The following ITGB5 variants were observed in gnomAD, a reference collection of about 807,000 sequenced individuals.
The protein encoded by ITGB5 is integrin subunit beta 5.
A neutral mutation model predicts 84.8 loss-of-function variants in ITGB5; 38 were observed. The ratio of observed to expected loss-of-function variants is 0.45; its 90% CI spans 0.35 to 0.59. The LOEUF is 0.59. Among genes scored for constraint, ITGB5 ranks in the 20% least tolerant of loss-of-function variants. The pLI is 0.01. For synonymous variants in ITGB5, 393 were observed against 414.4 expected, an observed-to-expected ratio of 0.95 and a Z score of 0.63; for missense variants, 905 against 1,034.5, an observed-to-expected ratio of 0.87 and a Z score of 1.72.
intron 10 of ITGB5, 113 bp downstream of exon 10, chr3:124,796,275 A>G: frequency 2.1e-6 from 2 of 966,370 alleles, no homozygotes. Flanking sequence ...CTCCAAGGAG[A>G]GCCATGGTAG....
chr3:124,874,385 C>T (rs921433407), intron 1 of ITGB5, among the ~76,000 whole-genome samples: 16 of 151,290 alleles, frequency 1.1e-4, no homozygotes, highest in African/African-American at 2.9e-4. Context: ...CCTGTGCTCA[C>T]GGTTTGGAAG....
chr3:124,873,404 C>T (rs1008696241), intron 2 of ITGB5, 42 bp downstream of exon 2: 8 of 1,363,880 alleles, frequency 5.9e-6, no homozygotes, highest in African/African-American at 5.7e-5. Flanking sequence ...CTCACCCTCG[C>T]AGCATTCCTT....
chr3:124,809,501 C>T (rs2064464126), intron 8 of ITGB5: 1 of 228,920 alleles, frequency 4.4e-6, no homozygotes, highest in South Asian at 8.0e-5. Flanking sequence ...TTCAGACACG[C>T]AGTTCCTCAA....
intron 2 of ITGB5, among the ~76,000 whole-genome samples, chr3:124,864,096 C>CTT (rs558311822): frequency 2.9e-4 from 13 of 45,530 alleles, no homozygotes; most frequent in Admixed American, 7.2e-4. Context: ...ACCTATATTT[C>CTT]TTTTTTTTTT....
chr3:124,811,582 A>C (rs1394918096), intron 8 of ITGB5, among the ~76,000 whole-genome samples: 4 of 152,178 alleles, frequency 2.6e-5, no homozygotes, highest in Admixed American at 2.6e-4. Context: ...CGAAAGCCCC[A>C]AGGGAGGATC....
intron 1 of ITGB5, among the ~76,000 whole-genome samples, chr3:124,875,367 C>T (rs1934259198): frequency 6.6e-6 from 1 of 150,570 alleles, no homozygotes; most frequent in South Asian, 2.1e-4. Flanking sequence ...ATCCCAGCTA[C>T]TTGAGAGGCT....
chr3:124,764,959 TG>T (rs2063746243), intron 13 of ITGB5, among the ~76,000 whole-genome samples: 2 of 152,208 alleles, frequency 1.3e-5, no homozygotes, highest in African/African-American at 2.4e-5. Context: ...AGGTCTGGGC[TG>T]GGGGCCAACA....
intron 10 of ITGB5, among the ~76,000 whole-genome samples, chr3:124,794,411 A>C (rs2064191103): frequency 6.6e-6 from 1 of 152,194 alleles, no homozygotes; most frequent in African/African-American, 2.4e-5. Context: ...CTAAAAAATA[A>C]AATAAATTAA....
intron 14 of ITGB5, 95 bp from the exon 15 acceptor site, chr3:124,763,813 C>A (rs1224186944): frequency 3.3e-5 from 23 of 701,856 alleles, no homozygotes; most frequent in South Asian, 3.1e-4. Context: ...CCAGGTCAGC[C>A]CCCTGCGACA....
intron 1 of ITGB5, among the ~76,000 whole-genome samples, chr3:124,875,310 TC>T (rs1934254879): frequency 6.6e-6 from 1 of 151,896 alleles, no homozygotes; most frequent in Non-Finnish European, 1.5e-5. Context: ...AAACCCCATC[TC>T]TACTAAAAAT....
At chr3:124,873,649 G>A (rs755445706) in intron 1 of ITGB5, 118 bp from the exon 2 acceptor site, 1 of 792,194 alleles carries the variant, frequency 1.3e-6, no homozygotes, top group Non-Finnish European at 2.2e-6. Context: ...AGTCTAAAGG[G>A]TGCAGGTACC....
intron 3 of ITGB5, among the ~76,000 whole-genome samples, chr3:124,853,311 C>CACTACTA (rs2065181923): frequency 1.3e-5 from 2 of 152,218 alleles, no homozygotes; most frequent in African/African-American, 4.8e-5. Context: ...GTCACTACAG[C>CACTACTA]AGAAGGCACT....
intron 8 of ITGB5, among the ~76,000 whole-genome samples, chr3:124,811,802 C>T (rs1356541439): frequency 6.6e-6 from 1 of 152,148 alleles, no homozygotes; most frequent in Non-Finnish European, 1.5e-5. Context: ...CAGCCCAAAC[C>T]TCTCATGTAT....
chr3:124,774,664 G>A (rs1001554052), intron 10 of ITGB5, among the ~76,000 whole-genome samples: 9 of 152,140 alleles, frequency 5.9e-5, no homozygotes, highest in South Asian at 2.1e-4. Flanking sequence ...CTAAATCTGC[G>A]GTCATCTGTT....
intron 3 of ITGB5, among the ~76,000 whole-genome samples, chr3:124,851,639 A>ACACG (rs1271079828): frequency 2.0e-5 from 3 of 150,794 alleles, no homozygotes; most frequent in Non-Finnish European, 2.9e-5. Context: ...ACACACACAC[A>ACACG]CACGCACACA....
intron 9 of ITGB5, among the ~76,000 whole-genome samples, chr3:124,797,204 G>A (rs1023101533): frequency 6.6e-6 from 1 of 152,176 alleles, no homozygotes; most frequent in Non-Finnish European, 1.5e-5. Flanking sequence ...CCTCTTCTCT[G>A]CTCACTTAAA....
At chr3:124,880,536 G>A (rs890321435) in intron 1 of ITGB5, among the ~76,000 whole-genome samples, 24 of 152,154 alleles carry the variant, frequency 1.6e-4, no homozygotes. Context: ...GAGCAGTTGA[G>A]CCCAGGAGTT....
chr3:124,822,384 C>G (rs992049577), intron 5 of ITGB5, among the ~76,000 whole-genome samples: 1 of 152,190 alleles, frequency 6.6e-6, no homozygotes, highest in Non-Finnish European at 1.5e-5. Context: ...GTCTTCTATA[C>G]CTGCACACTT....
At chr3:124,870,745 A>AAG (rs1933981153) in intron 2 of ITGB5, among the ~76,000 whole-genome samples, 2 of 150,294 alleles carry the variant, frequency 1.3e-5, no homozygotes, top group Admixed American at 6.7e-5. Flanking sequence ...AAAAAAAAAA[A>AAG]AACCCCAGTG....
Sources: allele counts gnomAD v4.1 joint callset (sites outside exome capture counted in the v4.1 genomes callset), GRCh38; gene constraint gnomAD v4.1.1; transcripts MANE v1.5; gene names NCBI Gene and HGNC (gene_info 2026-07-23, HGNC 2026-07-21).